The following PLPPR5 variants were observed in gnomAD, a reference collection of about 807,000 sequenced individuals.
PLPPR5 encodes the protein phospholipid phosphatase related 5.
A neutral mutation model predicts 33.9 loss-of-function variants in PLPPR5; 16 were observed. That is an observed-to-expected ratio of 0.47 (90% CI 0.32 to 0.72). The LOEUF is 0.72. Ranked by LOEUF, PLPPR5 falls within the 30% of genes least tolerant of loss-of-function variation. PLPPR5 has a pLI of 0.03. For missense variants in PLPPR5, 301 were observed against 406.7 expected (o/e 0.74, Z 2.23); for synonymous variants, 163 against 150.3 (o/e 1.08, Z -0.62).
chr1:98,926,885 T>C (rs1570704363), intron 3 of PLPPR5, among the ~76,000 whole-genome samples: 1 of 152,220 alleles, frequency 6.6e-6, no homozygotes, highest in Non-Finnish European at 1.5e-5. Flanking sequence ...GCCAACCGTG[T>C]AATGTCCTGA....
intron 4 of PLPPR5, among the ~76,000 whole-genome samples, chr1:98,920,925 A>G (rs1002344177): frequency 6.6e-6 from 1 of 152,126 alleles, no homozygotes; most frequent in African/African-American, 2.4e-5. Context: ...CATAATGATT[A>G]GTGCACATGA....
At chr1:98,904,308 T>C (rs533421934) in intron 5 of PLPPR5, among the ~76,000 whole-genome samples, 3 of 138,378 alleles carry the variant, frequency 2.2e-5, no homozygotes, top group African/African-American at 7.9e-5. Flanking sequence ...TTTGGTTCAA[T>C]TGATTAGGAG....
Position 98,995,584 on chromosome 1 carries a change from C to T in PLPPR5, c.237+8851G>A, listed in dbSNP as rs1289367532. ...AGGCCTGCACCCTCTCCCCCAGTGG[C>T]TTATTCTTAATGGATTTAGAGTCCA... On this transcript the variant is annotated intron_variant, in intron 1 of 5. Transcript: ENST00000263177. 4.6e-5 allele frequency among the ~76,000 whole-genome samples: 7 copies of T among 152,044 alleles called. No homozygotes were observed. The East Asian group carries it at 1.4e-3, about 29-fold the overall frequency.
chr1:98,947,701 T>C (rs989014450), intron 3 of PLPPR5, among the ~76,000 whole-genome samples: 26 of 152,170 alleles, frequency 1.7e-4, no homozygotes, highest in African/African-American at 5.1e-4. Context: ...TGGAACCCAG[T>C]AGATACCTCA....
chr1:98,903,533 A>G (rs1269473303), intron 5 of PLPPR5, among the ~76,000 whole-genome samples: 1 of 152,184 alleles, frequency 6.6e-6, no homozygotes, highest in Non-Finnish European at 1.5e-5. Context: ...GCAACATTTT[A>G]TACTACAGTA....
At chr1:98,901,326 G>C (rs1030100066) in intron 5 of PLPPR5, among the ~76,000 whole-genome samples, 1 of 152,126 alleles carries the variant, frequency 6.6e-6, no homozygotes, top group African/African-American at 2.4e-5. Flanking sequence ...GGGGAAGGCT[G>C]AAACATTTGG....
At chr1:98,924,553 T>C (rs964833802) in intron 3 of PLPPR5, among the ~76,000 whole-genome samples, 3 of 152,132 alleles carry the variant, frequency 2.0e-5, no homozygotes, top group East Asian at 3.9e-4. Context: ...GGAAATAGTG[T>C]GTGGTCCTTG....
At chr1:98,903,322 A>G (rs1394694927) in intron 5 of PLPPR5, among the ~76,000 whole-genome samples, 3 of 152,112 alleles carry the variant, frequency 2.0e-5, no homozygotes, top group Non-Finnish European at 4.4e-5. Flanking sequence ...TAACATTTAT[A>G]TTACAGTTCA....
At position 98,956,736 on chromosome 1, in the gene PLPPR5, T is replaced by A. The variant is rs777950418; in HGVS notation, c.243A>T (p.Ile81=). 1 of 1,554,860 alleles carries A rather than the reference T, an allele frequency of 6.4e-7. No individual in the cohort carries two copies. Among genetic ancestry groups the A allele is most frequent in the Admixed American group, 2.2e-5 (1 of 45,666 alleles). The change falls in exon 2 of 6, where the codon ATA becomes ATT. Residue 81 remains isoleucine, a synonymous_variant. Transcript: ENST00000263177. ...GGCAAAAGACAGCAGTTTCTCCAAC[T>A]ATTATCTTGAAAGAAAATAAAAGAT... ...LAAGVPVLVI[I]VGETAVFCLQ... is the part of the protein sequence containing the mutation.
chr1:98,965,305 C>T (rs1295889673), intron 1 of PLPPR5, among the ~76,000 whole-genome samples: 2 of 152,106 alleles, frequency 1.3e-5, no homozygotes, highest in African/African-American at 4.8e-5. Context: ...TTCCTTATTA[C>T]ACCTCATCCC....
At chr1:98,944,390 T>C (rs1490944180) in intron 3 of PLPPR5, among the ~76,000 whole-genome samples, 2 of 152,202 alleles carry the variant, frequency 1.3e-5, no homozygotes, top group Non-Finnish European at 2.9e-5. Flanking sequence ...CTCACAAATT[T>C]ATATGTTGAG....
chr1:98,894,066 T>C (rs538698714), intron 5 of PLPPR5, among the ~76,000 whole-genome samples: 11 of 152,160 alleles, frequency 7.2e-5, no homozygotes, highest in African/African-American at 2.4e-4. Context: ...TTCATTTTCA[T>C]TGAATTTAGG....
chr1:98,905,322 A>C (rs1403261468), intron 5 of PLPPR5, among the ~76,000 whole-genome samples: 1 of 152,150 alleles, frequency 6.6e-6, no homozygotes, highest in East Asian at 1.9e-4. Context: ...CTCTCTAATG[A>C]TTTGTCTATT....
intron 5 of PLPPR5, among the ~76,000 whole-genome samples, chr1:98,912,332 A>G (rs1649182094): frequency 6.6e-6 from 1 of 152,212 alleles, no homozygotes; most frequent in Non-Finnish European, 1.5e-5. Flanking sequence ...AATTAGAACA[A>G]TTCAATGGCT....
chr1:98,895,312 C>T (rs1404101271), intron 5 of PLPPR5, among the ~76,000 whole-genome samples: 2 of 152,014 alleles, frequency 1.3e-5, no homozygotes, highest in Non-Finnish European at 2.9e-5. Context: ...CAAGAAGGCC[C>T]TTACCAGATG....
intron 3 of PLPPR5, among the ~76,000 whole-genome samples, chr1:98,951,726 G>A (rs1043111228): frequency 5.3e-5 from 8 of 152,166 alleles, no homozygotes; most frequent in African/African-American, 1.9e-4. Flanking sequence ...AAGTAGAGAT[G>A]TCACAAGGTA....
intron 1 of PLPPR5, among the ~76,000 whole-genome samples, chr1:98,983,581 A>G (rs1652138138): frequency 1.3e-5 from 2 of 151,388 alleles, no homozygotes; most frequent in African/African-American, 4.8e-5. Context: ...AGCATGATTT[A>G]TAGTCCTTTG....
At position 98,944,357 on chromosome 1, in the gene PLPPR5, A is replaced by G. The variant is rs189525023; in HGVS notation, c.621+8713T>C. Among the ~76,000 whole-genome samples the G allele has an allele frequency of 2.9e-4, 44 of 152,342 alleles. No individual in the cohort carries two copies. The East Asian group carries it at 8.1e-3, about 28-fold the overall frequency. ...TGCTCTGCCCCATATACTAAATACTATTATCTGAATGTGTGTATCCCCCTC... is the reference window on the plus strand; with the variant it reads ...TGCTCTGCCCCATATACTAAATACTGTTATCTGAATGTGTGTATCCCCCTC... On this transcript the variant is annotated intron_variant, in intron 3 of 5. Coordinates refer to ENST00000263177, the MANE Select transcript of PLPPR5 (RefSeq NM_001037317.2).
At chr1:99,004,202 A>C in intron 1 of PLPPR5, 1 of 544,194 alleles carries the variant, frequency 1.8e-6, no homozygotes, top group East Asian at 3.1e-5. Flanking sequence ...CCAGTCACCC[A>C]ACGCTGAAGC....
Sources: gnomAD v4.1 joint callset for allele counts (sites outside exome capture counted in the v4.1 genomes callset) on GRCh38, gnomAD v4.1.1 for gene constraint, MANE v1.5 for transcripts, NCBI Gene and HGNC (gene_info 2026-07-23, HGNC 2026-07-21) for gene names.